Variants in AFF2 observed in about 807,000 individuals in gnomAD.
AFF2 encodes the protein AF4/FMR2 family member 2.
A neutral mutation model predicts 76.9 loss-of-function variants in AFF2; 14 were observed. The ratio of observed to expected loss-of-function variants is 0.18; its 90% confidence interval spans 0.12 to 0.28. The LOEUF is 0.28. Among genes scored for constraint, AFF2 ranks in the 10% least tolerant of loss-of-function variants. The pLI is 1.00. For missense variants in AFF2, 868 were observed against 1,001.1 expected, an observed-to-expected ratio of 0.87 and a Z score of 1.79; for synonymous variants, 398 against 366.7, an observed-to-expected ratio of 1.09 and a Z score of -0.98.
intron 3 of AFF2, among the ~76,000 whole-genome samples, chrX:148,782,482 TAACA>T (rs781818960): frequency 2.9e-4 from 32 of 112,099 alleles, no homozygotes; most frequent in African/African-American, 1.0e-3. Flanking sequence ...GAAATATTAA[TAACA>T]AACAAAAAGA....
chrX:148,887,068 C>G (rs782113080), intron 8 of AFF2, among the ~76,000 whole-genome samples: 1 of 112,927 alleles, frequency 8.9e-6, no homozygotes, highest in East Asian at 2.8e-4. Context: ...AAACTTTTGT[C>G]TACTTTACTT....
intron 13 of AFF2, among the ~76,000 whole-genome samples, chrX:148,965,956 G>A (rs1022519991): frequency 9.0e-6 from 1 of 111,657 alleles, no homozygotes; most frequent in African/African-American, 3.3e-5. Flanking sequence ...TGCTGGGGGC[G>A]GGAGGGCAGA....
intron 18 of AFF2, among the ~76,000 whole-genome samples, chrX:148,978,966 C>A (rs1227893027): frequency 1.8e-5 from 2 of 111,742 alleles, no homozygotes; most frequent in African/African-American, 6.5e-5. Flanking sequence ...ACAAACAAAG[C>A]CATATCGTAG....
At chrX:148,612,923 A>G (rs2053748605) in intron 1 of AFF2, among the ~76,000 whole-genome samples, 1 of 111,318 alleles carries the variant, frequency 9.0e-6, no homozygotes, top group South Asian at 3.7e-4. Context: ...GAAGTTAGAA[A>G]ATAATCACTG....
rs782172114 is a variant in AFF2, at chrX:148,662,534, C to A, written c.807C>A (p.Asn269Lys). 8.3e-7 allele frequency: 1 copy of A among 1,212,016 alleles called. No individual in the cohort carries two copies. The highest frequency in any genetic ancestry group is 1.1e-6 in the Non-Finnish European group (1 of 895,622). Residue 269 changes from asparagine to lysine, a missense_variant, in exon 3 of 21, where the codon AAC becomes AAA. Transcript: ENST00000370460. ...LAPSSGLSVQNFPPGLYCKTS... is the reference protein window; with the variant it reads ...LAPSSGLSVQKFPPGLYCKTS... ...CTAGCAGTGGCCTTTCAGTTCAAAACTTCCCACCAGGGCTTTACTGCAAAA... is the reference window on the plus strand; with the variant it reads ...CTAGCAGTGGCCTTTCAGTTCAAAAATTCCCACCAGGGCTTTACTGCAAAA...
At chrX:148,962,199 C>T (rs2072117470) in intron 12 of AFF2, among the ~76,000 whole-genome samples, 1 of 112,631 alleles carries the variant, frequency 8.9e-6, no homozygotes, top group African/African-American at 3.2e-5. Flanking sequence ...TGTCGCAATA[C>T]TATTTAGTGC....
intron 1 of AFF2, 35 bp from the exon 2 acceptor site, chrX:148,651,964 C>A (rs1557256390): frequency 5.4e-6 from 6 of 1,116,132 alleles, no homozygotes. Context: ...ATTAATTAAT[C>A]TTTTTCTCTT....
chrX:148,580,991 T>A (rs1437897364), intron 1 of AFF2, among the ~76,000 whole-genome samples: 1 of 60,025 alleles, frequency 1.7e-5, no homozygotes, highest in Non-Finnish European at 3.3e-5. Flanking sequence ...CTCACAAATA[T>A]ATACATATAT....
chrX:148,574,894 G>T (rs2053267449), intron 1 of AFF2, among the ~76,000 whole-genome samples: 1 of 110,205 alleles, frequency 9.1e-6, no homozygotes, highest in Admixed American at 9.8e-5. Flanking sequence ...ATCAGTAACT[G>T]CTTTCATTGG....
At chrX:148,548,136 T>C (rs1557238399) in intron 1 of AFF2, among the ~76,000 whole-genome samples, 2 of 112,695 alleles carry the variant, frequency 1.8e-5, no homozygotes, top group African/African-American at 3.2e-5. Context: ...GTGCTGTATC[T>C]GTGTCACACT....
intron 7 of AFF2, among the ~76,000 whole-genome samples, chrX:148,872,980 G>T (rs1289686734): frequency 9.0e-6 from 1 of 111,458 alleles, no homozygotes; most frequent in Non-Finnish European, 1.9e-5. Context: ...GTCCACAGTG[G>T]TATCTTCTGT....
chrX:148,647,072 T>C (rs782092880), intron 1 of AFF2, among the ~76,000 whole-genome samples: 1 of 112,385 alleles, frequency 8.9e-6, no homozygotes, highest in Non-Finnish European at 1.9e-5. Flanking sequence ...CCTGACACTC[T>C]GGAACATATA....
At chrX:148,605,573 A>G (rs781886953) in intron 1 of AFF2, among the ~76,000 whole-genome samples, 1 of 111,872 alleles carries the variant, frequency 8.9e-6, no homozygotes, top group South Asian at 3.7e-4. Context: ...TTGGTGAAGT[A>G]ATTGAGTCCG....
intron 2 of AFF2, among the ~76,000 whole-genome samples, chrX:148,656,537 T>G (rs2054253835): frequency 1.1e-5 from 1 of 94,611 alleles, no homozygotes; most frequent in Admixed American, 1.1e-4. Context: ...TCTCGCTCTG[T>G]CGCCCAGGCT....
chrX:148,603,275 T>C (rs1382510973), intron 1 of AFF2, among the ~76,000 whole-genome samples: 1 of 111,903 alleles, frequency 8.9e-6, no homozygotes, highest in Non-Finnish European at 1.9e-5. Flanking sequence ...CTTCCCTGAC[T>C]CTGCTCTGAT....
At chrX:148,575,630 GA>G (rs2053279702) in intron 1 of AFF2, among the ~76,000 whole-genome samples, 3 of 110,071 alleles carry the variant, frequency 2.7e-5, no homozygotes, top group African/African-American at 9.9e-5. Flanking sequence ...GAATATGTAT[GA>G]TAAGCAAGAA....
chrX:148,706,430 C>G (rs1324127471), intron 3 of AFF2, among the ~76,000 whole-genome samples: 1 of 112,583 alleles, frequency 8.9e-6, no homozygotes, highest in Non-Finnish European at 1.9e-5. Flanking sequence ...AAAAAGCTAT[C>G]TGCCGTGGTA....
intron 1 of AFF2, among the ~76,000 whole-genome samples, chrX:148,642,612 G>C (rs2054100993): frequency 1.8e-5 from 2 of 111,865 alleles, no homozygotes; most frequent in Non-Finnish European, 3.8e-5. Context: ...AACTGGTATG[G>C]AACTTGGGAC....
At chrX:148,990,125 G>C (rs977817129) in intron 20 of AFF2, among the ~76,000 whole-genome samples, 1 of 112,236 alleles carries the variant, frequency 8.9e-6, no homozygotes, top group East Asian at 2.8e-4. Flanking sequence ...GCATAGTACA[G>C]GTTAAAAAGT....
Sources: allele counts gnomAD v4.1 joint callset (sites outside exome capture counted in the v4.1 genomes callset), GRCh38; gene constraint gnomAD v4.1.1; transcripts MANE v1.5; gene names NCBI Gene and HGNC (gene_info 2026-07-23, HGNC 2026-07-21).